Variants in DLGAP2 observed in about 807,000 individuals in gnomAD.
The protein encoded by DLGAP2 is DLG associated protein 2.
In DLGAP2, 26 loss-of-function variants were observed where a neutral mutation model predicts 100.3. The observed-to-expected ratio is 0.26, with a 90% CI of 0.19 to 0.36. The LOEUF (loss-of-function observed/expected upper bound fraction) is 0.36, where lower values mean the gene tolerates loss of function less well. DLGAP2 is among the 10% of genes least tolerant of loss of function. The pLI is 1.00. For missense variants in DLGAP2, 1,858 were observed against 1,453.2 expected (o/e 1.28, Z -4.53); for synonymous variants, 886 against 630.1 (o/e 1.41, Z -6.08).
chr8:1,634,292 C>G (rs1339882922), intron 8 of DLGAP2, among the ~76,000 whole-genome samples: 3 of 152,148 alleles, frequency 2.0e-5, no homozygotes, highest in African/African-American at 7.2e-5. Context: ...GTAGATATTT[C>G]TTCAATGCTG....
intron 2 of DLGAP2, among the ~76,000 whole-genome samples, chr8:1,006,008 G>T (rs1415800493): frequency 1.3e-5 from 2 of 152,070 alleles, no homozygotes; most frequent in Admixed American, 1.3e-4. Context: ...GGCCAACATG[G>T]TGAAACCCTG....
chr8:912,389 A>G (rs1372970262), intron 2 of DLGAP2, among the ~76,000 whole-genome samples: 2 of 151,862 alleles, frequency 1.3e-5, no homozygotes, highest in Non-Finnish European at 2.9e-5. Flanking sequence ...CGTAATGGAA[A>G]CTCCTGACTC....
intron 2 of DLGAP2, among the ~76,000 whole-genome samples, chr8:988,611 A>T (rs1800555063): frequency 6.6e-6 from 1 of 151,966 alleles, no homozygotes; most frequent in African/African-American, 2.4e-5. Context: ...CCAGGGTCTG[A>T]TGTCCCACCC....
chr8:979,258 A>T (rs761802964), intron 2 of DLGAP2, among the ~76,000 whole-genome samples: 4 of 152,224 alleles, frequency 2.6e-5, no homozygotes. Flanking sequence ...ACAGTAAGCA[A>T]ATGGAGATTA....
At chr8:1,202,331 C>T (rs1326759812) in intron 2 of DLGAP2, among the ~76,000 whole-genome samples, 3 of 150,500 alleles carry the variant, frequency 2.0e-5, no homozygotes, top group Non-Finnish European at 4.4e-5. Context: ...GGGGGTGAGG[C>T]CTGGGCCAGG....
chr8:1,318,992 G>A (rs1274007138), intron 3 of DLGAP2, among the ~76,000 whole-genome samples: 1 of 152,126 alleles, frequency 6.6e-6, no homozygotes, highest in Non-Finnish European at 1.5e-5. Flanking sequence ...GTTTTATGGG[G>A]CTTTCAGGAG....
chr8:1,332,886 T>C (rs1563088573), intron 3 of DLGAP2, among the ~76,000 whole-genome samples: 1 of 152,164 alleles, frequency 6.6e-6, no homozygotes, highest in Non-Finnish European at 1.5e-5. Flanking sequence ...TGTTGAAAGC[T>C]CTGGGTGTGT....
chr8:866,948 A>G (rs765334542), intron 1 of DLGAP2, among the ~76,000 whole-genome samples: 3 of 152,044 alleles, frequency 2.0e-5, no homozygotes, highest in Non-Finnish European at 4.4e-5. Flanking sequence ...TGGTGTCTTC[A>G]TCCCTTACAG....
At chr8:1,057,422 A>T (rs967438579) in intron 2 of DLGAP2, among the ~76,000 whole-genome samples, 5 of 152,266 alleles carry the variant, frequency 3.3e-5, no homozygotes, top group African/African-American at 1.2e-4. Flanking sequence ...CTAAATCATT[A>T]TTCACATTAG....
intron 3 of DLGAP2, among the ~76,000 whole-genome samples, chr8:1,338,468 C>T (rs1217090087): frequency 6.6e-6 from 1 of 152,120 alleles, no homozygotes; most frequent in Admixed American, 6.5e-5. Flanking sequence ...ACTAAATTGC[C>T]TGGGTCTGGG....
intron 14 of DLGAP2, 50 bp from the exon 15 acceptor site, chr8:1,701,138 T>C: frequency 6.6e-7 from 1 of 1,524,996 alleles, no homozygotes; most frequent in Non-Finnish European, 8.8e-7. Flanking sequence ...CGCGAGCTGC[T>C]GGGACCCTCC....
chr8:993,569 T>TC (rs1800690146), intron 2 of DLGAP2, among the ~76,000 whole-genome samples: 1 of 151,992 alleles, frequency 6.6e-6, no homozygotes, highest in South Asian at 2.1e-4. Flanking sequence ...GGCGTTTGTT[T>TC]CTGCTGGTCA....
chr8:968,458 T>C, intron 2 of DLGAP2, among the ~76,000 whole-genome samples: 1 of 152,148 alleles, frequency 6.6e-6, no homozygotes, highest in South Asian at 2.1e-4. Flanking sequence ...CTGTGCCTCC[T>C]GCTCCCTGCC....
intron 1 of DLGAP2, among the ~76,000 whole-genome samples, chr8:765,732 C>T (rs936395591): frequency 2.0e-5 from 3 of 152,160 alleles, no homozygotes; most frequent in Non-Finnish European, 4.4e-5. Flanking sequence ...GTTGCTCTGC[C>T]GTCCTTGATG....
At chr8:845,606 G>T (rs189575286) in intron 1 of DLGAP2, among the ~76,000 whole-genome samples, 2 of 152,256 alleles carry the variant, frequency 1.3e-5, no homozygotes, top group Non-Finnish European at 2.9e-5. Flanking sequence ...ATTCTATAGG[G>T]TGTGTTTTCA....
chr8:1,363,470 C>A (rs1365033979), intron 3 of DLGAP2, among the ~76,000 whole-genome samples: 2 of 152,236 alleles, frequency 1.3e-5, no homozygotes, highest in Non-Finnish European at 2.9e-5. Context: ...GTTTCCTCCA[C>A]CACCCAGTGA....
intron 2 of DLGAP2, among the ~76,000 whole-genome samples, chr8:952,015 C>T (rs111823363): frequency 1.7e-3 from 264 of 152,342 alleles, no homozygotes; most frequent in Non-Finnish European, 2.8e-3. Flanking sequence ...CTTGCCCTCC[C>T]GGGAGTGCCC....
intron 1 of DLGAP2, among the ~76,000 whole-genome samples, chr8:765,060 T>C (rs1247365100): frequency 6.6e-6 from 1 of 152,190 alleles, no homozygotes; most frequent in Non-Finnish European, 1.5e-5. Flanking sequence ...AGAACGTATT[T>C]AGTAAAATTG....
intron 2 of DLGAP2, among the ~76,000 whole-genome samples, chr8:1,045,796 C>T (rs1802497599): frequency 1.3e-5 from 2 of 152,236 alleles, no homozygotes; most frequent in South Asian, 4.2e-4. Flanking sequence ...ATAGTAAGTG[C>T]TCAGCAAACA....
Sources: gnomAD v4.1 joint callset for allele counts (sites outside exome capture counted in the v4.1 genomes callset) on GRCh38, gnomAD v4.1.1 for gene constraint, MANE v1.5 for transcripts, NCBI Gene and HGNC (gene_info 2026-07-23, HGNC 2026-07-21) for gene names.